Variants in LEMD3 observed in about 807,000 individuals in gnomAD.
The protein encoded by LEMD3 is LEM domain containing 3.
LEMD3 carries 33 observed loss-of-function variants against 95.2 expected under a neutral mutation model. The observed-to-expected ratio is 0.35, with a 90% CI of 0.26 to 0.46. The LOEUF is 0.46. Among genes scored for constraint, LEMD3 ranks in the 20% least tolerant of loss-of-function variants. The pLI is 1.00. For missense variants in LEMD3, 1,210 were observed against 1,192.8 expected, an observed-to-expected ratio of 1.01 and a Z score of -0.21; for synonymous variants, 525 against 474.6, an observed-to-expected ratio of 1.11 and a Z score of -1.38.
intron 4 of LEMD3, among the ~76,000 whole-genome samples, chr12:65,229,908 C>T (rs560560868): frequency 4.6e-5 from 7 of 152,164 alleles, no homozygotes; most frequent in East Asian, 1.9e-4. Context: ...TGTCCTGAAG[C>T]GTTCCTCCTG....
intron 4 of LEMD3, among the ~76,000 whole-genome samples, chr12:65,231,726 G>C (rs1870635776): frequency 6.6e-6 from 1 of 151,498 alleles, no homozygotes; most frequent in South Asian, 2.1e-4. Context: ...GAAAATGAAA[G>C]GAAAAAAAGC....
intron 6 of LEMD3, 68 bp from the exon 7 acceptor site, chr12:65,239,861 A>T: frequency 9.6e-7 from 1 of 1,043,722 alleles, no homozygotes; most frequent in Non-Finnish European, 1.5e-6. Context: ...CAGTTAAAAT[A>T]ATCACTGAAA....
chr12:65,173,380 A>G (rs1291266460), intron 1 of LEMD3, among the ~76,000 whole-genome samples: 1 of 152,180 alleles, frequency 6.6e-6, no homozygotes, highest in Non-Finnish European at 1.5e-5. Flanking sequence ...CTTCACCTTC[A>G]CTGATAAGGA....
At chr12:65,197,625 G>A (rs1869472114) in intron 1 of LEMD3, among the ~76,000 whole-genome samples, 1 of 152,034 alleles carries the variant, frequency 6.6e-6, no homozygotes, top group South Asian at 2.1e-4. Flanking sequence ...CTTTTCATCT[G>A]TGTCTGTTTT....
chr12:65,173,730 G>T (rs1868626496), intron 1 of LEMD3, among the ~76,000 whole-genome samples: 1 of 152,090 alleles, frequency 6.6e-6, no homozygotes, highest in Non-Finnish European at 1.5e-5. Context: ...ATAGTATAGT[G>T]CATTTCTTAA....
intron 4 of LEMD3, among the ~76,000 whole-genome samples, chr12:65,226,697 C>T (rs1297215966): frequency 6.6e-6 from 1 of 152,104 alleles, no homozygotes; most frequent in African/African-American, 2.4e-5. Flanking sequence ...CTGGTACTGC[C>T]AGTAGAAGCT....
rs1257070076 is a variant in LEMD3 at position 65,169,638 on chromosome 12, T to A, written c.42T>A (p.Asp14Glu). The A allele has an allele frequency of 1.3e-6, 2 of 1,589,140 alleles. No homozygotes were observed. Among genetic ancestry groups the A allele is most frequent in the South Asian group, 2.3e-5 (2 of 87,756 alleles). ...CTTCGGCGCCTCAGCAGCTCTCGGA[T>A]GAGGAGCTTTTCTCTCAGCTCCGCC... ...AAASAPQQLSDEELFSQLRRY... is the reference protein window; with the variant it reads ...AAASAPQQLSEEELFSQLRRY... Residue 14 changes from aspartate (D) to glutamate (E), a missense_variant, in exon 1 of 13, where the codon GAT becomes GAA. This residue lies in a region of LEMD3 where 749 missense variants were observed against 622.9 expected (regional missense o/e 1.20). Coordinates refer to ENST00000308330, the MANE Select transcript of LEMD3 (RefSeq NM_014319.5).
At chr12:65,177,205 G>T (rs1868748430) in intron 1 of LEMD3, among the ~76,000 whole-genome samples, 1 of 152,204 alleles carries the variant, frequency 6.6e-6, no homozygotes, top group South Asian at 2.1e-4. Flanking sequence ...GGACAAGCAT[G>T]ATCGAATTGG....
chr12:65,170,984 C>T lies in LEMD3; in HGVS notation c.1388C>T (p.Ser463Phe), dbSNP rs1393583914. 2 of 1,614,110 alleles carry T rather than the reference C, an allele frequency of 1.2e-6. No homozygotes were observed. The highest frequency in any genetic ancestry group is 2.2e-5 in the East Asian group (1 of 44,898). ...CAGCAATTTAAACGGGAGGAGGTGT[C>T]CCCAACAGGGAGTTTCAGTGCCCAC... ...LLQQFKREEV[S>F]PTGSFSAHYL... Residue 463 changes from serine to phenylalanine, a missense_variant, in exon 1 of 13, where the codon TCC becomes TTC. Ser to Phe is a radical substitution (Grantham distance 155). Transcript: ENST00000308330.
At chr12:65,210,143 A>G (rs1869894196) in intron 1 of LEMD3, among the ~76,000 whole-genome samples, 1 of 151,970 alleles carries the variant, frequency 6.6e-6, no homozygotes. Flanking sequence ...GGAGGGGCAT[A>G]GGGGTTGGAT....
intron 9 of LEMD3, among the ~76,000 whole-genome samples, chr12:65,242,600 A>G (rs768628827): frequency 1.3e-5 from 2 of 151,910 alleles, no homozygotes; most frequent in African/African-American, 2.4e-5. Context: ...TCTTTGTCCA[A>G]CCTTTCAACA....
At chr12:65,204,599 T>C (rs1366850379) in intron 1 of LEMD3, among the ~76,000 whole-genome samples, 1 of 152,180 alleles carries the variant, frequency 6.6e-6, no homozygotes, top group Non-Finnish European at 1.5e-5. Context: ...TTTAGGTTGA[T>C]TCCATGTCTT....
intron 4 of LEMD3, among the ~76,000 whole-genome samples, chr12:65,235,902 T>G (rs1870758891): frequency 6.6e-6 from 1 of 152,208 alleles, no homozygotes; most frequent in African/African-American, 2.4e-5. Context: ...GTCTGCAATT[T>G]TTTTGATGTT....
intron 1 of LEMD3, among the ~76,000 whole-genome samples, chr12:65,173,973 A>T (rs1474171033): frequency 6.6e-6 from 1 of 152,202 alleles, no homozygotes; most frequent in East Asian, 1.9e-4. Context: ...ACATACACGT[A>T]TTCCATATCC....
intron 1 of LEMD3, among the ~76,000 whole-genome samples, chr12:65,183,673 T>G (rs2133323): frequency 0.29 from 44,151 of 152,018 alleles, 6,504 homozygotes; most frequent in Admixed American, 0.36. Flanking sequence ...TGTTTTTTGT[T>G]TCTGTTGCAC....
In LEMD3 at chr12:65,240,902, A is replaced by G; in HGVS notation, c.2127-7A>G. On this transcript the variant is annotated splice_polypyrimidine_tract_variant and splice_region_variant and intron_variant, in intron 8 of 12. Transcript: ENST00000308330. ...ATAGTAAATTTGCCATTTTGTTCACATGATAGGAAAAAAATGAAGAAAGTC... is the reference window on the plus strand; with the variant it reads ...ATAGTAAATTTGCCATTTTGTTCACGTGATAGGAAAAAAATGAAGAAAGTC... The G allele has an allele frequency of 6.2e-7, 1 of 1,613,800 alleles. No individual in the cohort carries two copies. The highest frequency in any genetic ancestry group is 8.5e-7 in the Non-Finnish European group (1 of 1,179,732).
At chr12:65,221,090 G>A (rs888379006) in intron 4 of LEMD3, among the ~76,000 whole-genome samples, 8 of 151,682 alleles carry the variant, frequency 5.3e-5, no homozygotes, top group Middle Eastern at 3.4e-3. Flanking sequence ...TATTGCCTTC[G>A]GTGGTATAGT....
chr12:65,232,884 A>G (rs1870670603), intron 4 of LEMD3, among the ~76,000 whole-genome samples: 1 of 152,166 alleles, frequency 6.6e-6, no homozygotes, highest in Non-Finnish European at 1.5e-5. Context: ...AGATTTGTGA[A>G]GAAAATAATA....
chr12:65,234,408 T>C (rs1221521740), intron 4 of LEMD3, among the ~76,000 whole-genome samples: 1 of 152,214 alleles, frequency 6.6e-6, no homozygotes, highest in Non-Finnish European at 1.5e-5. Context: ...CTATGTATGC[T>C]ACAGTATTAG....
Sources: allele counts gnomAD v4.1 joint callset (sites outside exome capture counted in the v4.1 genomes callset), GRCh38; gene constraint gnomAD v4.1.1; regional missense constraint gnomAD v4.1.1; transcripts MANE v1.5; gene names NCBI Gene and HGNC (gene_info 2026-07-23, HGNC 2026-07-21).